Variants in RBFOX1 observed in about 807,000 individuals in gnomAD.
The protein encoded by RBFOX1 is RNA binding protein fox-1 homolog 1.
RBFOX1 carries 8 observed loss-of-function variants against 57.7 expected under a neutral mutation model. The observed-to-expected ratio is 0.14, with a 90% CI of 0.08 to 0.25. RBFOX1 has a LOEUF of 0.25. Among genes scored for constraint, RBFOX1 ranks in the 10% least tolerant of loss-of-function variants. The pLI, the probability that RBFOX1 is intolerant of heterozygous loss-of-function variation, is 1.00. For missense variants in RBFOX1, 611 were observed against 548.5 expected, an observed-to-expected ratio of 1.11 and a Z score of -1.14; for synonymous variants, 326 against 222.4, an observed-to-expected ratio of 1.47 and a Z score of -4.15.
chr16:5,527,348 C>G (rs1355342058), intron 2 of RBFOX1, among the ~76,000 whole-genome samples: 2 of 152,196 alleles, frequency 1.3e-5, no homozygotes, highest in African/African-American at 2.4e-5. Context: ...AGTTCGTAGA[C>G]TCCTCCCCCA....
At chr16:5,997,203 A>G (rs1474104896) in intron 4 of RBFOX1, among the ~76,000 whole-genome samples, 1 of 152,130 alleles carries the variant, frequency 6.6e-6, no homozygotes, top group Non-Finnish European at 1.5e-5. Context: ...CAGGAAGCCC[A>G]TAGCTGTTGT....
chr16:6,679,878 G>GTTTTTTTTTTTTTTTTT (rs71145274), intron 3 of RBFOX1, among the ~76,000 whole-genome samples: 9 of 114,298 alleles, frequency 7.9e-5, no homozygotes, highest in African/African-American at 1.2e-4. Flanking sequence ...GTTTCTACTT[G>GTTTTTTTTTTTTTTTTT]TTTTTTTTTT....
intron 4 of RBFOX1, among the ~76,000 whole-genome samples, chr16:7,455,885 T>C (rs571176277): frequency 6.6e-6 from 1 of 151,980 alleles, no homozygotes; most frequent in African/African-American, 2.4e-5. Flanking sequence ...CACTGTGATG[T>C]CTAAGATTCA....
intron 3 of RBFOX1, among the ~76,000 whole-genome samples, chr16:7,022,109 T>A (rs1432633030): frequency 7.4e-6 from 1 of 136,046 alleles, no homozygotes; most frequent in African/African-American, 2.8e-5. Context: ...GTCACCCAGA[T>A]TGGAGTGTGG....
chr16:5,894,164 T>A (rs186482503), intron 4 of RBFOX1, among the ~76,000 whole-genome samples: 266 of 152,296 alleles, frequency 1.7e-3, no homozygotes, highest in Non-Finnish European at 2.2e-3. Flanking sequence ...TGGAGCTCTA[T>A]TTTCCCCGGT....
chr16:6,915,189 G>C (rs1279546302), intron 3 of RBFOX1, among the ~76,000 whole-genome samples: 1 of 152,166 alleles, frequency 6.6e-6, no homozygotes, highest in Non-Finnish European at 1.5e-5. Context: ...GCTTTCCCCA[G>C]GCTCCCGGAG....
At chr16:5,972,671 T>C (rs528134077) in intron 4 of RBFOX1, among the ~76,000 whole-genome samples, 1 of 152,286 alleles carries the variant, frequency 6.6e-6, no homozygotes, top group South Asian at 2.1e-4. Context: ...GTCCTGTTCA[T>C]TATTTGACCT....
intron 1 of RBFOX1, among the ~76,000 whole-genome samples, chr16:6,195,883 G>A (rs530390189): frequency 6.6e-6 from 1 of 152,110 alleles, no homozygotes; most frequent in Admixed American, 6.6e-5. Context: ...TAGGAATCAT[G>A]ATCCTAACAC....
intron 2 of RBFOX1, among the ~76,000 whole-genome samples, chr16:5,505,797 C>G (rs1002606859): frequency 2.0e-5 from 3 of 152,112 alleles, no homozygotes; most frequent in African/African-American, 7.2e-5. Flanking sequence ...TGGGGATACC[C>G]CTGGCAGCTG....
At chr16:7,394,435 C>G (rs1336006876) in intron 4 of RBFOX1, among the ~76,000 whole-genome samples, 1 of 152,012 alleles carries the variant, frequency 6.6e-6, no homozygotes, top group Non-Finnish European at 1.5e-5. Context: ...CCCCTAATGG[C>G]CATATGGGGA....
chr16:5,278,532 A>G (rs1246397518), intron 1 of RBFOX1, among the ~76,000 whole-genome samples: 1 of 152,098 alleles, frequency 6.6e-6, no homozygotes, highest in East Asian at 1.9e-4. Flanking sequence ...GTTAATTTTT[A>G]TATATGCTGT....
chr16:6,941,791 C>T (rs1056461441), intron 3 of RBFOX1, among the ~76,000 whole-genome samples: 1 of 152,066 alleles, frequency 6.6e-6, no homozygotes, highest in African/African-American at 2.4e-5. Context: ...TCATACTCAC[C>T]CTATTGGAGG....
At chr16:7,693,217 C>G (rs1212502023) in intron 14 of RBFOX1, 1 of 944,140 alleles carries the variant, frequency 1.1e-6, no homozygotes, top group Non-Finnish European at 1.7e-6. Flanking sequence ...TCACACGCAG[C>G]ACCCTTCCCT....
chr16:7,582,215 C>G (rs972602020), intron 6 of RBFOX1, among the ~76,000 whole-genome samples: 1 of 152,116 alleles, frequency 6.6e-6, no homozygotes, highest in African/African-American at 2.4e-5. Flanking sequence ...AAGCAACTGA[C>G]AAGATGTCAA....
chr16:6,443,471 C>T (rs2094427154), intron 2 of RBFOX1, among the ~76,000 whole-genome samples: 1 of 152,090 alleles, frequency 6.6e-6, no homozygotes, highest in African/African-American at 2.4e-5. Context: ...AAGCATTTAT[C>T]CCCAGAAACT....
At chr16:6,930,746 T>C (rs2076368673) in intron 3 of RBFOX1, among the ~76,000 whole-genome samples, 1 of 152,170 alleles carries the variant, frequency 6.6e-6, no homozygotes, top group Non-Finnish European at 1.5e-5. Context: ...AACATCTTTT[T>C]ATATGTTTAT....
rs145296874 is a variant in RBFOX1 at position 7,037,537 on chromosome 16, T to C, written c.-15-14520T>C. ...GCACGTCCAGTCCACTGTCAACTTA[T>C]GAAAAGAAGAAATCACAACAACAAC... On this transcript the variant is annotated intron_variant, in intron 3 of 15. Transcript: ENST00000550418. 4.2e-3 allele frequency among the ~76,000 whole-genome samples: 643 copies of C among 152,282 alleles called. 6 individuals are homozygous for C. The highest frequency in any genetic ancestry group is 0.024 in the East Asian group (125 of 5,182).
chr16:7,537,874 G>A (rs1047285568), intron 5 of RBFOX1, among the ~76,000 whole-genome samples: 2 of 152,240 alleles, frequency 1.3e-5, no homozygotes, highest in African/African-American at 2.4e-5. Flanking sequence ...CATACATAAT[G>A]CATGAGGGGA....
chr16:5,528,023 T>C (rs1323049440), intron 2 of RBFOX1, among the ~76,000 whole-genome samples: 1 of 152,216 alleles, frequency 6.6e-6, no homozygotes, highest in African/African-American at 2.4e-5. Context: ...CTAGTCATTA[T>C]ACATCACTAA....
Sources: allele counts gnomAD v4.1 joint callset (sites outside exome capture counted in the v4.1 genomes callset), GRCh38; gene constraint gnomAD v4.1.1; transcripts MANE v1.5; gene names NCBI Gene and HGNC (gene_info 2026-07-23, HGNC 2026-07-21).